UBR3: variants seen among roughly 807,000 people sequenced by gnomAD.
UBR3 encodes the protein ubiquitin protein ligase E3 component n-recognin 3, also known as E3 ubiquitin-protein ligase UBR3.
Under a neutral mutation model 243.2 loss-of-function variants are expected in UBR3, and 85 were observed. The ratio of observed to expected loss-of-function variants is 0.35; its 90% confidence interval spans 0.29 to 0.42. The LOEUF (loss-of-function observed/expected upper bound fraction) is 0.42, where lower values mean the gene tolerates loss of function less well. UBR3 is among the 10% of genes least tolerant of loss of function. The probability of loss-of-function intolerance (pLI) is 1.00; values close to 1 mark genes in which losing one functional copy is unlikely to be tolerated. For synonymous variants in UBR3, 748 were observed against 799.8 expected (o/e 0.94, Z 1.09); for missense variants, 1,686 against 2,300.8 (o/e 0.73, Z 5.47).
At chr2:169,851,492 C>T (rs1207288021) in intron 1 of UBR3, among the ~76,000 whole-genome samples, 1 of 152,156 alleles carries the variant, frequency 6.6e-6, no homozygotes, top group Admixed American at 6.5e-5. Flanking sequence ...AAACCCCTTT[C>T]CTACCCAACA....
At chr2:169,857,062 A>ATATTT (rs1553494582) in intron 1 of UBR3, among the ~76,000 whole-genome samples, 1 of 28,472 alleles carries the variant, frequency 3.5e-5, no homozygotes, top group Non-Finnish European at 8.2e-5. Context: ...TAATTTTATT[A>ATATTT]TGTTTTTTTT....
chr2:169,846,450 G>A lies in UBR3; in HGVS notation c.545+18398G>A, dbSNP rs143478731. On this transcript the variant is annotated intron_variant, in intron 1 of 38. Transcript: ENST00000272793. ...TTAGGGGCTGGGTGCGCTGGCTCAC[G>A]CCTGTAATCCCAGCACTTTGGGAGG... Among the ~76,000 whole-genome samples, 764 of 152,002 alleles carry A rather than the reference G, an allele frequency of 5.0e-3. 2 individuals are homozygous for A. Among genetic ancestry groups the A allele is most frequent in the Non-Finnish European group, 8.9e-3 (602 of 67,954 alleles).
At chr2:169,890,429 C>A (rs2084282920) in intron 5 of UBR3, among the ~76,000 whole-genome samples, 1 of 151,240 alleles carries the variant, frequency 6.6e-6, no homozygotes, top group South Asian at 2.1e-4. Context: ...GCTTTTGTTA[C>A]TTCTCTGGTT....
At chr2:169,882,924 G>T (rs1162174881) in intron 5 of UBR3, among the ~76,000 whole-genome samples, 1 of 152,110 alleles carries the variant, frequency 6.6e-6, no homozygotes, top group Admixed American at 6.5e-5. Context: ...ATTCACTCAG[G>T]CTAGTGAATG....
At chr2:169,891,035 T>G in intron 5 of UBR3, 130 bp from the exon 6 acceptor site, 1 of 510,318 alleles carries the variant, frequency 2.0e-6, no homozygotes, top group Non-Finnish European at 3.4e-6. Context: ...TTATAGCAAA[T>G]ACATAGATGT....
chr2:169,928,377 G>GT (rs2085987199), intron 17 of UBR3, among the ~76,000 whole-genome samples: 3 of 151,814 alleles, frequency 2.0e-5, no homozygotes, highest in Admixed American at 2.0e-4. Flanking sequence ...AGTTCTTTCT[G>GT]TTTTTTAAGG....
At chr2:170,038,432 CTG>C (rs1460855488) in intron 31 of UBR3, among the ~76,000 whole-genome samples, 1 of 152,188 alleles carries the variant, frequency 6.6e-6, no homozygotes, top group African/African-American at 2.4e-5. Flanking sequence ...GTTTTATTAA[CTG>C]TTTTAATCCA....
At chr2:169,955,793 CA>C (rs56238118) in intron 23 of UBR3, among the ~76,000 whole-genome samples, 2 of 78,544 alleles carry the variant, frequency 2.5e-5, no homozygotes, top group East Asian at 5.1e-4. Flanking sequence ...GACTCCATCT[CA>C]AAAAAAAAAA....
rs2081788646 is a variant in UBR3 at position 169,827,722 on chromosome 2, A to T, written c.215A>T (p.Glu72Val). ...CCGCTGGCCGCGGCTGCCGGCGGCG[A>T]GGACGCGGCGGCGGCCGGAGGCGGG... is the stretch of plus-strand genomic sequence containing the variant. ...ERPLAAAAGG[E>V]DAAAAGGGGG... The change falls in exon 1 of 39, where the codon GAG becomes GTG. Residue 72 changes from glutamate to valine, a missense_variant. This residue lies in a region of UBR3 where 145 missense variants were observed against 243.8 expected (regional missense o/e 0.59). Transcript: ENST00000272793. 1 of 1,232,140 alleles carries T rather than the reference A, an allele frequency of 8.1e-7. No individual in the cohort carries two copies. The highest frequency in any genetic ancestry group is 1.0e-6 in the Non-Finnish European group (1 of 990,790). The allele number at this position is 1,232,140 out of a possible 1,614,324, so 76.3% of individuals were successfully genotyped here.
At chr2:169,961,522 A>G (rs1254714857) in intron 24 of UBR3, among the ~76,000 whole-genome samples, 2 of 152,042 alleles carry the variant, frequency 1.3e-5, no homozygotes, top group African/African-American at 4.8e-5. Context: ...AAACCGTCTG[A>G]TTCTTTATTT....
At chr2:170,066,991 AAT>A (rs2091585441) in intron 35 of UBR3, among the ~76,000 whole-genome samples, 1 of 149,694 alleles carries the variant, frequency 6.7e-6, no homozygotes, top group South Asian at 2.1e-4. Flanking sequence ...TAATAATAAT[AAT>A]AAACTTCATT....
At chr2:169,834,933 T>C (rs528621023) in intron 1 of UBR3, among the ~76,000 whole-genome samples, 10 of 152,316 alleles carry the variant, frequency 6.6e-5, no homozygotes, top group African/African-American at 2.4e-4. Context: ...CAAATGCTTG[T>C]ATGCTTCGGT....
At chr2:170,008,369 G>A (rs2089985129) in intron 28 of UBR3, among the ~76,000 whole-genome samples, 1 of 152,162 alleles carries the variant, frequency 6.6e-6, no homozygotes, top group African/African-American at 2.4e-5. Context: ...TTTAGAATTT[G>A]TGGTCTTTTT....
intron 23 of UBR3, among the ~76,000 whole-genome samples, chr2:169,956,333 A>G (rs1156280604): frequency 2.0e-5 from 3 of 150,906 alleles, no homozygotes; most frequent in East Asian, 3.9e-4. Flanking sequence ...TTAAAAATCA[A>G]CTCCCTTATA....
chr2:169,840,787 C>T (rs1203771614), intron 1 of UBR3, among the ~76,000 whole-genome samples: 1 of 152,160 alleles, frequency 6.6e-6, no homozygotes, highest in Non-Finnish European at 1.5e-5. Flanking sequence ...GAGTTAGCAA[C>T]ATGTGGACAC....
At chr2:169,891,607 G>GAGAC (rs1553504868) in intron 6 of UBR3, among the ~76,000 whole-genome samples, 1 of 38,654 alleles carries the variant, frequency 2.6e-5, no homozygotes, top group Non-Finnish European at 4.9e-5. Flanking sequence ...GTGAGAGAGA[G>GAGAC]ACAGAGACAC....
intron 30 of UBR3, among the ~76,000 whole-genome samples, chr2:170,028,689 G>GTTT (rs72533605): frequency 0.013 from 1,876 of 146,154 alleles, 33 homozygotes; most frequent in African/African-American, 0.041. Context: ...AATACTTAGG[G>GTTT]TTTTTTTTTT....
Position 170,055,538 on chromosome 2 carries a change from G to A in UBR3, c.4739G>A (p.Ser1580Asn). The A allele has an allele frequency of 6.2e-7, 1 of 1,613,692 alleles. No homozygotes were observed. Reference protein sequence around the residue: ...QALAALSVKCSEEDRSAWKHA... With the variant: ...QALAALSVKCNEEDRSAWKHA... ...CTTGCAGCACTCTCAGTTAAATGCA[G>A]CGAAGAAGATAGGTCAGCCTGGAAA... Residue 1580 changes from serine to asparagine, a missense_variant, in exon 33 of 39, where the codon AGC becomes AAC. Ser to Asn is a conservative substitution (Grantham distance 46, BLOSUM62 1). This residue lies in a region of UBR3 where 371 missense variants were observed against 422.5 expected (regional missense o/e 0.88). Transcript: ENST00000272793.
intron 8 of UBR3, among the ~76,000 whole-genome samples, chr2:169,900,316 G>A (rs1206432942): frequency 3.9e-5 from 6 of 152,136 alleles, no homozygotes; most frequent in East Asian, 1.9e-4. Flanking sequence ...GTCTGTTCAT[G>A]TCCTTCACCC....
Sources: allele counts gnomAD v4.1 joint callset (sites outside exome capture counted in the v4.1 genomes callset), GRCh38; gene constraint gnomAD v4.1.1; regional missense constraint gnomAD v4.1.1; transcripts MANE v1.5; gene names NCBI Gene and HGNC (gene_info 2026-07-23, HGNC 2026-07-21).